DERPC: variants seen among roughly 807,000 people sequenced by gnomAD.
DERPC encodes the protein decreased expression in renal and prostate cancer protein.
A neutral mutation model predicts 7.2 loss-of-function variants in DERPC; 1 was observed. The ratio of observed to expected loss-of-function variants is 0.14; its 90% CI spans 0.05 to 0.66. The LOEUF (loss-of-function observed/expected upper bound fraction) is 0.66. DERPC is among the 30% of genes least tolerant of loss of function. DERPC has a pLI of 0.84. For synonymous variants in DERPC, 185 were observed against 117.6 expected, an observed-to-expected ratio of 1.57 and a Z score of -3.71; for missense variants, 502 against 299.4, an observed-to-expected ratio of 1.68 and a Z score of -4.99.
chr16:69,131,488 AC>A (rs1299223016), intron 1 of DERPC: 1 of 27,020 alleles, frequency 3.7e-5, no homozygotes, highest in Admixed American at 2.8e-4. Flanking sequence ...CCTCCCACCC[AC>A]CCCCATCTTC....
At position 69,119,147 on chromosome 16, in the gene DERPC, G is replaced by A. The variant is rs969603289; in HGVS notation, c.1282C>T (p.Pro428Ser). The A allele has an allele frequency of 7.1e-6, 5 of 702,924 alleles. No homozygotes were observed. The highest frequency in any genetic ancestry group is 1.7e-5 in the African/African-American group (1 of 57,282). 43.5% of individuals were successfully genotyped at this position (702,924 alleles called of 1,614,324 possible). A position where few individuals can be genotyped will look rare whatever the true frequency, so the allele number is the denominator to read the frequency against. Residue 428 changes from proline (P) to serine (S), a missense_variant, in exon 3 of 3, where the codon CCA becomes TCA. Pro to Ser is a moderately conservative substitution (Grantham distance 74, BLOSUM62 -1). Transcript: ENST00000519520. ...GGGCCTAATGGGCCAGTAGACCTTGGGAAGGTAGTTGGACTTGGACCCTGC... is the reference window on the plus strand; with the variant it reads ...GGGCCTAATGGGCCAGTAGACCTTGAGAAGGTAGTTGGACTTGGACCCTGC... ...GLQGPSPTTF[P>S]RSTGPLGPGQ... is the part of the protein sequence containing the mutation.
In DERPC at chr16:69,122,699, G is replaced by A. The variant is rs190347012; in HGVS notation, c.-279-1206C>T. On this transcript the variant is annotated intron_variant, in intron 1 of 2. Transcript: ENST00000519520. ...GGGATTACAGGCACACAACCACCATGCCTGGCTAATTTTTGTATTTTTAGT... is the reference window on the plus strand; with the variant it reads ...GGGATTACAGGCACACAACCACCATACCTGGCTAATTTTTGTATTTTTAGT... Among the ~76,000 whole-genome samples, 245 of 152,076 alleles carry A rather than the reference G, an allele frequency of 1.6e-3. 3 individuals are homozygous for A. Among genetic ancestry groups the A allele is most frequent in the East Asian group, 2.3e-3 (12 of 5,176 alleles).
chr16:69,121,078 A>G, intron 2 of DERPC: 1 of 1,614,068 alleles, frequency 6.2e-7, no homozygotes. Context: ...TAGGTCTCCC[A>G]GGAGGTTTCC....
Position 69,120,685 on chromosome 16 carries a change from G to A in DERPC, c.-221-36C>T, listed in dbSNP as rs199912103. 1.7e-4 allele frequency: 265 copies of A among 1,570,924 alleles called. 2 individuals carry two copies. The South Asian group carries it at 2.3e-3, about 14-fold the overall frequency. On this transcript the variant is annotated intron_variant, in intron 2 of 2. Coordinates refer to ENST00000519520, the MANE Select transcript of DERPC (RefSeq NM_001002847.4). This position sits in a 1 kb window ranked among gnomAD's most constrained non-coding sequence, Gnocchi z 4.0. ...ACAAGAACGAGATTCCTGAGGTTCC[G>A]GGGCAAGGCCATAACACTCAGGCGC...
At chr16:69,122,331 C>A (rs1416026777) in intron 1 of DERPC, among the ~76,000 whole-genome samples, 1 of 151,934 alleles carries the variant, frequency 6.6e-6, no homozygotes, top group Non-Finnish European at 1.5e-5. Context: ...CATACTCTTG[C>A]TCACTATGCT....
intron 1 of DERPC, among the ~76,000 whole-genome samples, chr16:69,125,423 G>T (rs762497641): frequency 3.3e-5 from 5 of 152,146 alleles, no homozygotes; most frequent in Non-Finnish European, 7.3e-5. Flanking sequence ...GCTGCTATGT[G>T]ACAGAGTAGA....
chr16:69,124,363 G>A (rs1184971779), intron 1 of DERPC, among the ~76,000 whole-genome samples: 2 of 152,138 alleles, frequency 1.3e-5, no homozygotes, highest in Non-Finnish European at 1.5e-5. Context: ...AGTATGGAAA[G>A]TTAATAGGTA....
intron 1 of DERPC, among the ~76,000 whole-genome samples, chr16:69,124,334 T>G (rs1231501288): frequency 6.6e-6 from 1 of 152,198 alleles, no homozygotes; most frequent in Non-Finnish European, 1.5e-5. Context: ...AGGTTATTAG[T>G]TCAATGTTTA....
At chr16:69,123,561 G>T (rs1438553870) in intron 1 of DERPC, among the ~76,000 whole-genome samples, 1 of 152,066 alleles carries the variant, frequency 6.6e-6, no homozygotes, top group Non-Finnish European at 1.5e-5. Flanking sequence ...GCAGGCTGAG[G>T]TAAGAGAATC....
At chr16:69,127,771 G>A (rs778589220) in intron 1 of DERPC, among the ~76,000 whole-genome samples, 2 of 150,632 alleles carry the variant, frequency 1.3e-5, no homozygotes, top group South Asian at 2.1e-4. Context: ...CACCACACCC[G>A]GCAACTTTTT....
At chr16:69,124,164 G>C (rs553684300) in intron 1 of DERPC, among the ~76,000 whole-genome samples, 18 of 151,938 alleles carry the variant, frequency 1.2e-4, no homozygotes, top group Non-Finnish European at 2.4e-4. Flanking sequence ...AGCACCACCT[G>C]GTGGCAAACT....
At chr16:69,121,210 G>T (rs2152266862) in intron 2 of DERPC, 2 of 1,570,764 alleles carry the variant, frequency 1.3e-6, no homozygotes, top group South Asian at 1.1e-5. Context: ...TTTTTGAGGG[G>T]TGAAGGATGA....
At chr16:69,121,101 GCTGTAGCGAGCCTCGATCTCCCC>G (rs1288927413) in intron 2 of DERPC, 1 of 1,613,982 alleles carries the variant, frequency 6.2e-7, no homozygotes, top group East Asian at 2.2e-5. Context: ...CTAATCCAGT[GCTGTAGCGAGCCTCGATCTCCCC>G]CTGTAGCTCC....
At position 69,121,307 on chromosome 16, in the gene DERPC, G is replaced by A. The variant is rs985752428; in HGVS notation, c.-222+129C>T. ...GGGAAATTGGGCAGTGCTAGGCATG[G>A]AACTAGAGATCAGAATGCAAGGATT... On this transcript the variant is annotated intron_variant, in intron 2 of 2. Transcript: ENST00000519520. The A allele has an allele frequency of 3.3e-6, 4 of 1,207,928 alleles. No homozygotes were observed. The African/African-American group carries it at 4.6e-5, about 14-fold the overall frequency. 74.8% of individuals were successfully genotyped at this position (1,207,928 alleles called of 1,614,324 possible). A position where few individuals can be genotyped will look rare whatever the true frequency, so the allele number is the denominator to read the frequency against.
rs146716407 is a variant in DERPC at position 69,128,165 on chromosome 16, G to A, written c.-280+4319C>T. 1.3e-3 allele frequency among the ~76,000 whole-genome samples: 195 copies of A among 152,004 alleles called. 2 individuals are homozygous for A. The highest frequency in any genetic ancestry group is 6.8e-3 in the Middle Eastern group (2 of 294). On this transcript the variant is annotated intron_variant, in intron 1 of 2. Coordinates refer to ENST00000519520, the MANE Select transcript of DERPC (RefSeq NM_001002847.4). ...CCTGACCTCATGATCCACCCGCCTC[G>A]GCCTCCCAAAGTGCCAGGATTACAG...
In DERPC at chr16:69,119,934, C is replaced by T. The variant is rs758590160; in HGVS notation, c.495G>A (p.Leu165=). Residue 165 remains leucine, a synonymous_variant, in exon 3 of 3, where the codon CTG becomes CTA. Coordinates refer to ENST00000519520, the MANE Select transcript of DERPC (RefSeq NM_001002847.4). ...PMSNPRAGGL[L]GAGPDPRGGG... Reference sequence around the variant, plus strand: ...CACCTCTGGGGTCAGGACCTGCTCCCAGGAGACCACCTGCCCTTGGGTTGG... The same window carrying T: ...CACCTCTGGGGTCAGGACCTGCTCCTAGGAGACCACCTGCCCTTGGGTTGG... 28 of 702,188 alleles carry T rather than the reference C, an allele frequency of 4.0e-5. 1 individual carries two copies. The South Asian group carries it at 4.1e-4, about 10-fold the overall frequency. The allele number at this position is 702,188 out of a possible 1,614,324, so 43.5% of individuals were successfully genotyped here. A position where few individuals can be genotyped will look rare whatever the true frequency, so the allele number is the denominator to read the frequency against.
intron 1 of DERPC, among the ~76,000 whole-genome samples, chr16:69,122,589 G>T (rs2152268070): frequency 6.7e-6 from 1 of 149,556 alleles, no homozygotes; most frequent in East Asian, 2.0e-4. Context: ...CACCCAGGCT[G>T]GAGTGCAGTG....
Position 69,118,198 on chromosome 16 carries a change from A to C in DERPC, c.*656T>G. ...TGAGGTTCTTTGATTGATTGGGAGT[A>C]CCAGTGAAGAGGGAGTTGGATGAGT... On this transcript the variant is annotated 3_prime_UTR_variant, in exon 3 of 3. Transcript: ENST00000519520. 1 of 495,632 alleles carries C rather than the reference A, an allele frequency of 2.0e-6. No individual in the cohort carries two copies. Among genetic ancestry groups the C allele is most frequent in the South Asian group, 2.0e-5 (1 of 50,894 alleles). 30.7% of individuals were successfully genotyped at this position (495,632 alleles called of 1,614,324 possible).
chr16:69,125,444 A>C (rs1961989752), intron 1 of DERPC, among the ~76,000 whole-genome samples: 1 of 152,050 alleles, frequency 6.6e-6, no homozygotes, highest in African/African-American at 2.4e-5. Context: ...AATCTGGGCC[A>C]TCTGACTATC....
Sources: allele counts gnomAD v4.1 joint callset (sites outside exome capture counted in the v4.1 genomes callset), GRCh38; gene constraint gnomAD v4.1.1; non-coding constraint Gnocchi (gnomAD v3.1); transcripts MANE v1.5; gene names NCBI Gene and HGNC (gene_info 2026-07-23, HGNC 2026-07-21).